The following FER variants were observed in gnomAD, a reference collection of about 807,000 sequenced individuals.
The protein encoded by FER is tyrosine-protein kinase Fer.
Under a neutral mutation model 111.0 loss-of-function variants are expected in FER, and 63 were observed. The ratio of observed to expected loss-of-function variants is 0.57; its 90% CI spans 0.46 to 0.70. The LOEUF (loss-of-function observed/expected upper bound fraction) is 0.70, where lower values mean the gene tolerates loss of function less well. FER is among the 30% of genes least tolerant of loss of function. The pLI is 0.00. For missense variants in FER, 914 were observed against 954.0 expected, an observed-to-expected ratio of 0.96 and a Z score of 0.55; for synonymous variants, 327 against 313.9, an observed-to-expected ratio of 1.04 and a Z score of -0.44.
chr5:108,869,948 G>A (rs1040398573), intron 6 of FER, among the ~76,000 whole-genome samples: 1 of 152,036 alleles, frequency 6.6e-6, no homozygotes, highest in African/African-American at 2.4e-5. Flanking sequence ...ACTTTTTAGT[G>A]TTGATAAAAT....
chr5:108,977,053 C>T (rs1761446097), intron 13 of FER, among the ~76,000 whole-genome samples: 1 of 152,164 alleles, frequency 6.6e-6, no homozygotes, highest in South Asian at 2.1e-4. Context: ...AGACAAACTG[C>T]TCACACAGAG....
chr5:108,796,576 C>T (rs970642608), intron 2 of FER, among the ~76,000 whole-genome samples: 1 of 152,096 alleles, frequency 6.6e-6, no homozygotes, highest in Non-Finnish European at 1.5e-5. Flanking sequence ...AACTGGCACT[C>T]AAGCCATGAG....
chr5:109,097,758 C>A (rs1422361269), intron 16 of FER, among the ~76,000 whole-genome samples: 1 of 151,802 alleles, frequency 6.6e-6, no homozygotes, highest in African/African-American at 2.4e-5. Context: ...TAACTTTAGT[C>A]CCATATTCTG....
intron 13 of FER, among the ~76,000 whole-genome samples, chr5:108,981,749 G>A (rs765465177): frequency 6.6e-6 from 1 of 152,082 alleles, no homozygotes; most frequent in Non-Finnish European, 1.5e-5. Flanking sequence ...GCACAGAGAA[G>A]TTACATAATT....
intron 17 of FER, among the ~76,000 whole-genome samples, chr5:109,132,180 C>G (rs1420931886): frequency 1.3e-5 from 2 of 151,968 alleles, no homozygotes; most frequent in Non-Finnish European, 2.9e-5. Context: ...TACCCAATTC[C>G]CAAAAATAAA....
At chr5:108,819,740 A>C (rs1293586254) in intron 3 of FER, 21 of 946,408 alleles carry the variant, frequency 2.2e-5, no homozygotes, top group South Asian at 4.9e-5. Context: ...TCTATGTGAG[A>C]GAGAAAAAAA....
intron 13 of FER, among the ~76,000 whole-genome samples, chr5:109,021,023 A>T (rs1455251167): frequency 6.6e-6 from 1 of 151,950 alleles, no homozygotes; most frequent in Non-Finnish European, 1.5e-5. Flanking sequence ...TTTAAATTCA[A>T]GTTATTTTAA....
chr5:108,794,537 T>TCCCCCCCCCCCCCCC (rs1755798783), intron 2 of FER, among the ~76,000 whole-genome samples: 1 of 27,212 alleles, frequency 3.7e-5, no homozygotes, highest in African/African-American at 1.3e-4. Flanking sequence ...CCCCCCCCCC[T>TCCCCCCCCCCCCCCC]CCCCGCACCT....
At chr5:108,944,820 G>T (rs1756756178) in intron 10 of FER, among the ~76,000 whole-genome samples, 1 of 123,716 alleles carries the variant, frequency 8.1e-6, no homozygotes, top group Non-Finnish European at 1.8e-5. Context: ...ATGTTTTTAG[G>T]CCAACCTATC....
At chr5:108,908,580 C>G (rs942089976) in intron 10 of FER, among the ~76,000 whole-genome samples, 3 of 152,126 alleles carry the variant, frequency 2.0e-5, no homozygotes, top group African/African-American at 4.8e-5. Context: ...GCTAATCTCT[C>G]TATTAAACTG....
intron 11 of FER, among the ~76,000 whole-genome samples, chr5:108,952,753 A>G (rs1483924290): frequency 1.3e-5 from 2 of 152,090 alleles, no homozygotes; most frequent in Non-Finnish European, 2.9e-5. Context: ...ATTTCTTGGA[A>G]TGCTGGCTGA....
At chr5:108,924,143 G>T (rs1192795909) in intron 10 of FER, among the ~76,000 whole-genome samples, 1 of 151,974 alleles carries the variant, frequency 6.6e-6, no homozygotes, top group Admixed American at 6.6e-5. Flanking sequence ...GATCACCTGA[G>T]GTCAGGAGTT....
At chr5:108,813,987 G>A (rs1181315576) in intron 3 of FER, among the ~76,000 whole-genome samples, 1 of 152,112 alleles carries the variant, frequency 6.6e-6, no homozygotes, top group African/African-American at 2.4e-5. Context: ...AAATGAACAA[G>A]TCGTAAATAT....
chr5:108,986,103 T>C (rs1204613947), intron 13 of FER, among the ~76,000 whole-genome samples: 1 of 152,006 alleles, frequency 6.6e-6, no homozygotes, highest in Non-Finnish European at 1.5e-5. Context: ...ACATGTATTA[T>C]TTTTTGTTTT....
At chr5:109,183,026 G>C (rs58513967) in intron 18 of FER, among the ~76,000 whole-genome samples, 19,393 of 152,122 alleles carry the variant, frequency 0.13, 1,368 homozygotes, top group African/African-American at 0.18. Context: ...CCTTGATCTA[G>C]AGTGAGGGAC....
chr5:109,098,221 T>C (rs1747768434), intron 16 of FER, among the ~76,000 whole-genome samples: 1 of 151,888 alleles, frequency 6.6e-6, no homozygotes, highest in South Asian at 2.1e-4. Flanking sequence ...TCTTTGTTTA[T>C]TAATATATTA....
chr5:109,127,194 A>G (rs1017432644), intron 17 of FER, among the ~76,000 whole-genome samples: 1 of 152,192 alleles, frequency 6.6e-6, no homozygotes, highest in Non-Finnish European at 1.5e-5. Flanking sequence ...GGGCTTTGTC[A>G]TATATCTGTA....
chr5:109,158,195 A>G (rs1017463310), intron 17 of FER, among the ~76,000 whole-genome samples: 2 of 152,082 alleles, frequency 1.3e-5, no homozygotes, highest in African/African-American at 2.4e-5. Flanking sequence ...CCTGGGCAAC[A>G]TGATGAAACC....
chr5:108,924,754 TC>T (rs1753510998), intron 10 of FER: 10 of 1,232,118 alleles, frequency 8.1e-6, no homozygotes, highest in Non-Finnish European at 9.1e-6. Context: ...AATGTTCAGC[TC>T]TGAGCCTTCC....
Sources: allele counts gnomAD v4.1 joint callset (sites outside exome capture counted in the v4.1 genomes callset), GRCh38; gene constraint gnomAD v4.1.1; transcripts MANE v1.5; gene names NCBI Gene and HGNC (gene_info 2026-07-23, HGNC 2026-07-21).